The following OSBPL9 variants were observed in gnomAD, a reference collection of about 807,000 sequenced individuals.
The protein encoded by OSBPL9 is oxysterol-binding protein-related protein 9.
OSBPL9 carries 40 observed loss-of-function variants against 106.6 expected under a neutral mutation model. The observed-to-expected ratio is 0.38, with a 90% confidence interval of 0.29 to 0.49. The LOEUF is 0.49. Among genes scored for constraint, OSBPL9 ranks in the 20% least tolerant of loss-of-function variants. The pLI is 0.97. For synonymous variants in OSBPL9, 269 were observed against 295.4 expected, an observed-to-expected ratio of 0.91 and a Z score of 0.92; for missense variants, 609 against 887.2, an observed-to-expected ratio of 0.69 and a Z score of 3.98.
In OSBPL9 at chr1:51,750,142, T is replaced by C; in HGVS notation, c.493-3T>C. 6.3e-7 allele frequency: 1 copy of C among 1,593,244 alleles called. No individual in the cohort carries two copies. Among genetic ancestry groups the C allele is most frequent in the Non-Finnish European group, 8.5e-7 (1 of 1,171,810 alleles). On this transcript the variant is annotated splice_region_variant and splice_polypyrimidine_tract_variant and intron_variant, in intron 7 of 23. Coordinates refer to ENST00000428468, the MANE Select transcript of OSBPL9 (RefSeq NM_024586.6). Reference sequence around the variant, plus strand: ...TCCTAAAATCAGTGTTTTGTTTTTATAGAGCATGGTAGAATCAATTAAACA... The same window carrying C: ...TCCTAAAATCAGTGTTTTGTTTTTACAGAGCATGGTAGAATCAATTAAACA...
chr1:51,775,190 G>C (rs142672618), intron 14 of OSBPL9, among the ~76,000 whole-genome samples: 5 of 152,204 alleles, frequency 3.3e-5, no homozygotes. Context: ...AATGCTGAGA[G>C]TCTGATAATA....
intron 1 of OSBPL9, among the ~76,000 whole-genome samples, chr1:51,647,973 C>A (rs190573284): frequency 2.6e-5 from 4 of 152,230 alleles, no homozygotes; most frequent in African/African-American, 9.6e-5. Flanking sequence ...TGGGGGTAAT[C>A]CTGTTTTGTC....
At chr1:51,661,958 G>T (rs908508076) in intron 2 of OSBPL9, among the ~76,000 whole-genome samples, 1 of 152,114 alleles carries the variant, frequency 6.6e-6, no homozygotes, top group Non-Finnish European at 1.5e-5. Context: ...AGGCTGTGGC[G>T]GAGAGTGACC....
chr1:51,596,282 C>T (rs1185078346), intron 1 of OSBPL9, among the ~76,000 whole-genome samples: 1 of 144,906 alleles, frequency 6.9e-6, no homozygotes. Context: ...AAAAAAAAGG[C>T]CAGGCACAGT....
chr1:51,580,740 T>A (rs1477837631), intron 1 of OSBPL9, among the ~76,000 whole-genome samples: 1 of 151,208 alleles, frequency 6.6e-6, no homozygotes, highest in African/African-American at 2.4e-5. Context: ...TTTTCTTATT[T>A]TATATTTCTT....
intron 1 of OSBPL9, among the ~76,000 whole-genome samples, chr1:51,596,359 A>T (rs1345653062): frequency 1.3e-5 from 2 of 151,758 alleles, no homozygotes; most frequent in African/African-American, 4.8e-5. Context: ...GAAGAGTACA[A>T]CACCAGCCTG....
intron 18 of OSBPL9, 33 bp from the exon 19 acceptor site, chr1:51,784,231 A>G (rs756897557): frequency 6.2e-7 from 1 of 1,601,128 alleles, no homozygotes; most frequent in Admixed American, 1.7e-5. Context: ...ACTTGGCACT[A>G]CTCATCAGAG....
intron 1 of OSBPL9, among the ~76,000 whole-genome samples, chr1:51,625,884 G>C (rs1329424645): frequency 2.0e-5 from 3 of 152,078 alleles, no homozygotes; most frequent in Non-Finnish European, 1.5e-5. Context: ...TACATGGGAT[G>C]ATATAAATGG....
chr1:51,731,065 T>C (rs1664277451), intron 4 of OSBPL9, among the ~76,000 whole-genome samples: 1 of 152,112 alleles, frequency 6.6e-6, no homozygotes, highest in South Asian at 2.1e-4. Flanking sequence ...CCTTTTTTTT[T>C]TTGTGCAGCC....
intron 11 of OSBPL9, among the ~76,000 whole-genome samples, chr1:51,764,384 G>A (rs190509247): frequency 2.0e-5 from 3 of 152,026 alleles, no homozygotes; most frequent in Admixed American, 6.6e-5. Context: ...AGAATATGAA[G>A]TTATTTACTA....
intron 2 of OSBPL9, among the ~76,000 whole-genome samples, chr1:51,657,033 C>T (rs1408375007): frequency 6.6e-6 from 1 of 152,100 alleles, no homozygotes; most frequent in East Asian, 1.9e-4. Flanking sequence ...CATTGTATTA[C>T]ATGTTAATTT....
At chr1:51,533,440 T>C in the OSBPL9 span, among the ~76,000 whole-genome samples, 1 of 143,688 alleles carries the variant, frequency 7.0e-6, no homozygotes, top group East Asian at 2.0e-4. Flanking sequence ...GAGTGGAAAT[T>C]GCACCACTGC....
chr1:51,550,111 G>C, the OSBPL9 span, among the ~76,000 whole-genome samples: 1 of 152,156 alleles, frequency 6.6e-6, no homozygotes, highest in Middle Eastern at 3.2e-3. Flanking sequence ...TACCCACTCT[G>C]AGCAGTTTCC....
chr1:51,543,233 A>G, the OSBPL9 span, among the ~76,000 whole-genome samples: 1 of 152,236 alleles, frequency 6.6e-6, no homozygotes, highest in Non-Finnish European at 1.5e-5. Flanking sequence ...GATGGAAATT[A>G]GTAAATGCCC....
chr1:51,554,778 AAGAAGGAAATTGTCAAAGATGCTGAC>A, the OSBPL9 span, among the ~76,000 whole-genome samples: 1 of 152,230 alleles, frequency 6.6e-6, no homozygotes, highest in Non-Finnish European at 1.5e-5. Context: ...CATCATTTGT[AAGAAGGAAATTGTCAAAGATGCTGAC>A]AGATTTTACC....
intron 3 of OSBPL9, among the ~76,000 whole-genome samples, chr1:51,684,000 CTTAT>C (rs964605475): frequency 6.6e-6 from 1 of 151,796 alleles, no homozygotes; most frequent in African/African-American, 2.4e-5. Flanking sequence ...TTCAAGAAGT[CTTAT>C]TTATTTATTT....
chr1:51,551,299 A>G, the OSBPL9 span, among the ~76,000 whole-genome samples: 1 of 152,078 alleles, frequency 6.6e-6, no homozygotes, highest in Non-Finnish European at 1.5e-5. Flanking sequence ...ATGTTCCTGC[A>G]TCTCCCTGTC....
At chr1:51,629,188 G>C (rs1644955252) in intron 1 of OSBPL9, among the ~76,000 whole-genome samples, 1 of 152,016 alleles carries the variant, frequency 6.6e-6, no homozygotes, top group Non-Finnish European at 1.5e-5. Flanking sequence ...ACCCTCAGTT[G>C]CTATCATAAT....
At chr1:51,724,473 C>CG (rs970103755) in intron 4 of OSBPL9, among the ~76,000 whole-genome samples, 3 of 150,930 alleles carry the variant, frequency 2.0e-5, no homozygotes, top group Admixed American at 2.0e-4. Flanking sequence ...TTAGTAGAGA[C>CG]GGGGGTTCCA....
Sources: gnomAD v4.1 joint callset for allele counts (sites outside exome capture counted in the v4.1 genomes callset) on GRCh38, gnomAD v4.1.1 for gene constraint, MANE v1.5 for transcripts, NCBI Gene and HGNC (gene_info 2026-07-23, HGNC 2026-07-21) for gene names.